The following CNTN6 variants were observed in gnomAD, a reference collection of about 807,000 sequenced individuals.
CNTN6 encodes contactin-6.
CNTN6 carries 137 observed loss-of-function variants against 122.8 expected under a neutral mutation model. The observed-to-expected ratio is 1.12, with a 90% confidence interval of 0.97 to 1.29. The LOEUF (loss-of-function observed/expected upper bound fraction) is 1.29, where lower values mean the gene tolerates loss of function less well. Among genes scored for constraint, CNTN6 ranks in the 50% most tolerant of loss-of-function variants. The pLI is 0.00. For synonymous variants in CNTN6, 570 were observed against 426.0 expected (o/e 1.34, Z -4.16); for missense variants, 1,634 against 1,223.4 (o/e 1.34, Z -5.01).
intron 11 of CNTN6, among the ~76,000 whole-genome samples, chr3:1,333,680 T>C (rs574524554): frequency 2.0e-5 from 3 of 152,206 alleles, no homozygotes; most frequent in East Asian, 3.9e-4. Context: ...TACCTAGAGA[T>C]GGTTGAGAGG....
At chr3:1,205,241 T>C (rs1211611119) in intron 2 of CNTN6, among the ~76,000 whole-genome samples, 3 of 152,146 alleles carry the variant, frequency 2.0e-5, no homozygotes, top group Non-Finnish European at 2.9e-5. Flanking sequence ...CCTGATGACA[T>C]CTTGATTTGA....
chr3:1,196,360 T>C (rs1166205913), intron 2 of CNTN6, among the ~76,000 whole-genome samples: 1 of 152,228 alleles, frequency 6.6e-6, no homozygotes, highest in East Asian at 1.9e-4. Flanking sequence ...GGAGCCAAGA[T>C]ACTTCTGACC....
chr3:1,292,909 A>G (rs1219151684), intron 5 of CNTN6, among the ~76,000 whole-genome samples: 1 of 152,138 alleles, frequency 6.6e-6, no homozygotes, highest in African/African-American at 2.4e-5. Context: ...TATCACACAC[A>G]CACACACACA....
At chr3:1,295,460 G>T in intron 5 of CNTN6, 141 bp from the exon 6 acceptor site, 1 of 630,240 alleles carries the variant, frequency 1.6e-6, no homozygotes. Context: ...AATTACACCA[G>T]ATGACAGCTA....
At chr3:1,275,196 A>G (rs1692114299) in intron 4 of CNTN6, among the ~76,000 whole-genome samples, 2 of 152,064 alleles carry the variant, frequency 1.3e-5, no homozygotes, top group African/African-American at 4.8e-5. Flanking sequence ...TTACTTGATC[A>G]TTGATTTCAG....
intron 4 of CNTN6, among the ~76,000 whole-genome samples, chr3:1,269,866 C>G (rs998957913): frequency 3.3e-5 from 5 of 151,930 alleles, no homozygotes; most frequent in African/African-American, 7.3e-5. Flanking sequence ...ATTTTTTTCT[C>G]TACTTATATA....
chr3:1,353,520 G>GA (rs61623036), intron 12 of CNTN6, among the ~76,000 whole-genome samples: 1 of 151,674 alleles, frequency 6.6e-6, no homozygotes, highest in Non-Finnish European at 1.5e-5. Context: ...GGCATATTTT[G>GA]AAAAACTTCT....
At chr3:1,345,723 G>C (rs1704587719) in intron 11 of CNTN6, among the ~76,000 whole-genome samples, 1 of 151,776 alleles carries the variant, frequency 6.6e-6, no homozygotes, top group African/African-American at 2.4e-5. Flanking sequence ...GATTCCAGTG[G>C]GAGATTTTAC....
intron 1 of CNTN6, among the ~76,000 whole-genome samples, chr3:1,140,574 T>A (rs1379796127): frequency 7.2e-5 from 11 of 152,176 alleles, no homozygotes; most frequent in Admixed American, 3.3e-4. Context: ...GAAAGTATGA[T>A]TTTTCAGCAG....
chr3:1,280,459 A>ATGTTTTTTTTTT (rs1693174891), intron 5 of CNTN6, among the ~76,000 whole-genome samples: 1 of 66,652 alleles, frequency 1.5e-5, no homozygotes, highest in Non-Finnish European at 2.7e-5. Context: ...TGTAATACCA[A>ATGTTTTTTTTTT]TTTTTTTTTT....
intron 1 of CNTN6, among the ~76,000 whole-genome samples, chr3:1,118,146 A>G (rs1233029971): frequency 6.6e-6 from 1 of 152,148 alleles, no homozygotes; most frequent in Non-Finnish European, 1.5e-5. Flanking sequence ...GTGGTTGTTA[A>G]ATGCCAGCAT....
At chr3:1,117,096 G>A (rs2091752824) in intron 1 of CNTN6, among the ~76,000 whole-genome samples, 1 of 152,110 alleles carries the variant, frequency 6.6e-6, no homozygotes, top group South Asian at 2.1e-4. Context: ...GAGAATAACT[G>A]GAAAATAGAG....
intron 12 of CNTN6, among the ~76,000 whole-genome samples, chr3:1,353,754 T>A (rs908280449): frequency 6.6e-6 from 1 of 151,580 alleles, no homozygotes; most frequent in African/African-American, 2.4e-5. Flanking sequence ...AAGGTGTAGG[T>A]AGTATGCAAA....
intron 11 of CNTN6, among the ~76,000 whole-genome samples, chr3:1,334,569 T>C (rs1289934722): frequency 6.6e-6 from 1 of 152,122 alleles, no homozygotes; most frequent in East Asian, 1.9e-4. Flanking sequence ...TATAACTTTA[T>C]ATATGTTTTA....
intron 2 of CNTN6, among the ~76,000 whole-genome samples, chr3:1,213,321 C>T (rs891393531): frequency 1.6e-4 from 23 of 142,074 alleles, no homozygotes; most frequent in Admixed American, 9.1e-4. Flanking sequence ...TTATTTCAAC[C>T]AGGTTTTCTT....
intron 7 of CNTN6, among the ~76,000 whole-genome samples, chr3:1,304,987 CAAAAAAA>C (rs4065396): frequency 9.7e-6 from 1 of 103,310 alleles, no homozygotes; most frequent in Non-Finnish European, 1.8e-5. Context: ...GAGACTCTGT[CAAAAAAA>C]AAAAAAAAAA....
chr3:1,385,847 C>T (rs1692817584), intron 20 of CNTN6, 50 bp downstream of exon 20: 1 of 1,459,428 alleles, frequency 6.9e-7, no homozygotes, highest in Middle Eastern at 1.8e-4. Flanking sequence ...GAAGAGCAAC[C>T]TATTCCTTTG....
intron 2 of CNTN6, among the ~76,000 whole-genome samples, chr3:1,219,098 A>C (rs1303347300): frequency 6.6e-6 from 1 of 152,250 alleles, no homozygotes; most frequent in Non-Finnish European, 1.5e-5. Context: ...GATCATCCTC[A>C]TAGAAATATA....
intron 1 of CNTN6, among the ~76,000 whole-genome samples, chr3:1,093,763 G>A (rs2124901432): frequency 6.6e-6 from 1 of 152,148 alleles, no homozygotes; most frequent in East Asian, 1.9e-4. Context: ...TCAGTATTAA[G>A]GTTCTTATAA....
Sources: gnomAD v4.1 joint callset for allele counts (sites outside exome capture counted in the v4.1 genomes callset) on GRCh38, gnomAD v4.1.1 for gene constraint, MANE v1.5 for transcripts, NCBI Gene and HGNC (gene_info 2026-07-23, HGNC 2026-07-21) for gene names.